RSRC1: variants seen among roughly 807,000 people sequenced by gnomAD.
RSRC1 encodes arginine and serine rich coiled-coil 1.
A neutral mutation model predicts 49.1 loss-of-function variants in RSRC1; 39 were observed. That is an observed-to-expected ratio of 0.79 (90% CI 0.61 to 1.04). RSRC1 has a LOEUF of 1.04. Among genes scored for constraint, RSRC1 ranks in the 50% least tolerant of loss-of-function variants. RSRC1 has a pLI of 0.00. For missense variants in RSRC1, 388 were observed against 402.4 expected (o/e 0.96, Z 0.31); for synonymous variants, 143 against 130.8 (o/e 1.09, Z -0.63).
chr3:158,429,639 T>C (rs1231301656), intron 6 of RSRC1, among the ~76,000 whole-genome samples: 1 of 150,464 alleles, frequency 6.6e-6, no homozygotes, highest in African/African-American at 2.5e-5. Flanking sequence ...TATATGTATA[T>C]GCTTAAGTGA....
chr3:158,253,167 T>A (rs1724322946), intron 4 of RSRC1, among the ~76,000 whole-genome samples: 1 of 152,074 alleles, frequency 6.6e-6, no homozygotes, highest in South Asian at 2.1e-4. Flanking sequence ...ATCGCTGGCT[T>A]GTTAAAGCTT....
chr3:158,437,523 A>G (rs887120651), intron 6 of RSRC1, among the ~76,000 whole-genome samples: 2 of 152,202 alleles, frequency 1.3e-5, no homozygotes, highest in Non-Finnish European at 1.5e-5. Context: ...GCAAATCAAT[A>G]AACGGAATCC....
intron 6 of RSRC1, among the ~76,000 whole-genome samples, chr3:158,377,709 G>A (rs1732451132): frequency 6.6e-6 from 1 of 151,670 alleles, no homozygotes. Context: ...ACCCAGGCTG[G>A]AGTGCAGTGG....
At chr3:158,325,568 A>T (rs367860649) in intron 5 of RSRC1, among the ~76,000 whole-genome samples, 1 of 152,052 alleles carries the variant, frequency 6.6e-6, no homozygotes, top group African/African-American at 2.4e-5. Context: ...TGAGGGCTCT[A>T]TTCTGTTCCA....
chr3:158,341,498 C>G (rs763931107), intron 5 of RSRC1, among the ~76,000 whole-genome samples: 1 of 152,170 alleles, frequency 6.6e-6, no homozygotes, highest in Non-Finnish European at 1.5e-5. Context: ...GTTATTAAGC[C>G]TGCAGGTGCA....
intron 3 of RSRC1, among the ~76,000 whole-genome samples, chr3:158,190,550 TAAA>T (rs1720177628): frequency 6.6e-6 from 1 of 151,398 alleles, no homozygotes; most frequent in Non-Finnish European, 1.5e-5. Context: ...TTAATTTAAA[TAAA>T]TTGGTTTTTT....
intron 5 of RSRC1, among the ~76,000 whole-genome samples, chr3:158,352,657 A>T (rs1412097341): frequency 1.3e-5 from 2 of 152,054 alleles, no homozygotes; most frequent in African/African-American, 4.8e-5. Context: ...AAAGTACTGT[A>T]TTTATCCACA....
chr3:158,282,700 A>G (rs1162131567), intron 4 of RSRC1, among the ~76,000 whole-genome samples: 1 of 152,210 alleles, frequency 6.6e-6, no homozygotes, highest in Non-Finnish European at 1.5e-5. Context: ...TGGTTCTTGT[A>G]CAATAAATAT....
intron 5 of RSRC1, among the ~76,000 whole-genome samples, chr3:158,350,305 G>C (rs780514788): frequency 3.1e-4 from 47 of 151,680 alleles, no homozygotes; most frequent in Middle Eastern, 3.4e-3. Context: ...AGTCTCTCAA[G>C]TAGCTGGGAC....
At chr3:158,456,633 G>C (rs1049204277) in intron 6 of RSRC1, among the ~76,000 whole-genome samples, 31 of 152,132 alleles carry the variant, frequency 2.0e-4, no homozygotes, top group Non-Finnish European at 4.1e-4. Flanking sequence ...ATTGGGGAAG[G>C]CTTCACAGAA....
intron 6 of RSRC1, among the ~76,000 whole-genome samples, chr3:158,428,611 G>A (rs1422596050): frequency 6.6e-6 from 1 of 151,836 alleles, no homozygotes; most frequent in Non-Finnish European, 1.5e-5. Flanking sequence ...CACATATAAA[G>A]GGTATATAAT....
Position 158,198,146 on chromosome 3 carries a change from G to C in RSRC1, c.321-4926G>C, listed in dbSNP as rs852325. Among the ~76,000 whole-genome samples the C allele has an allele frequency of 1.3e-4, 20 of 151,950 alleles. No homozygotes were observed. In the East Asian group the frequency reaches 3.7e-3, roughly 28 times the overall value. ...AGTCTAAGTCTCTTTGTAAGTCTCT[G>C]AGGACTTGCTTTATGAATCTGGGTG... On this transcript the variant is annotated intron_variant, in intron 3 of 9. Coordinates refer to ENST00000611884, the MANE Select transcript of RSRC1 (RefSeq NM_001271838.2).
chr3:158,487,854 G>A (rs1197562567), intron 7 of RSRC1, among the ~76,000 whole-genome samples: 3 of 147,698 alleles, frequency 2.0e-5, no homozygotes, highest in Non-Finnish European at 4.5e-5. Flanking sequence ...GGAGGCTGAG[G>A]TGGGAGAATT....
intron 3 of RSRC1, among the ~76,000 whole-genome samples, chr3:158,190,224 T>C (rs1720157275): frequency 6.6e-6 from 1 of 151,988 alleles, no homozygotes; most frequent in African/African-American, 2.4e-5. Flanking sequence ...TATCTCAGGG[T>C]TAATTATGGG....
intron 7 of RSRC1, chr3:158,469,505 C>T (rs2108418496): frequency 4.3e-6 from 1 of 231,850 alleles, no homozygotes; most frequent in Non-Finnish European, 8.8e-6. Flanking sequence ...CAAAATGAAA[C>T]AGTATAGCAG....
At chr3:158,482,100 C>T (rs1175562762) in intron 7 of RSRC1, among the ~76,000 whole-genome samples, 4 of 151,838 alleles carry the variant, frequency 2.6e-5, no homozygotes. Flanking sequence ...ATGTACTTGT[C>T]TTTGTTTTTC....
At chr3:158,345,020 A>C (rs1307054487) in intron 5 of RSRC1, among the ~76,000 whole-genome samples, 1 of 151,958 alleles carries the variant, frequency 6.6e-6, no homozygotes, top group Non-Finnish European at 1.5e-5. Context: ...GGAGTTTGAG[A>C]CCAGTCTGGC....
chr3:158,358,492 C>T (rs1731281442), intron 6 of RSRC1, among the ~76,000 whole-genome samples: 3 of 152,124 alleles, frequency 2.0e-5, no homozygotes, highest in Admixed American at 1.3e-4. Context: ...CCTGCCATCA[C>T]CACTTGTTCT....
chr3:158,442,890 G>A (rs548344421), intron 6 of RSRC1, among the ~76,000 whole-genome samples: 88 of 152,100 alleles, frequency 5.8e-4, no homozygotes, highest in Non-Finnish European at 5.1e-4. Context: ...GTTAGCAGGC[G>A]TGAAAACAGC....
Sources: allele counts gnomAD v4.1 joint callset (sites outside exome capture counted in the v4.1 genomes callset), GRCh38; gene constraint gnomAD v4.1.1; transcripts MANE v1.5; gene names NCBI Gene and HGNC (gene_info 2026-07-23, HGNC 2026-07-21).